KAZN: variants seen among roughly 807,000 people sequenced by gnomAD.
KAZN encodes the protein kazrin.
Under a neutral mutation model 87.4 loss-of-function variants are expected in KAZN, and 40 were observed. That is an observed-to-expected ratio of 0.46 (90% confidence interval 0.36 to 0.60). The LOEUF is 0.60. Among genes scored for constraint, KAZN ranks in the 20% least tolerant of loss-of-function variants. KAZN has a pLI of 0.00. For synonymous variants in KAZN, 466 were observed against 458.3 expected (o/e 1.02, Z -0.22); for missense variants, 898 against 1,073.9 (o/e 0.84, Z 2.29).
chr1:14,901,547 GGA>G (rs1655908240), intron 1 of KAZN, among the ~76,000 whole-genome samples: 1 of 152,158 alleles, frequency 6.6e-6, no homozygotes, highest in South Asian at 2.1e-4. Flanking sequence ...AGATGGGGGT[GGA>G]GAGGCCAGCA....
intron 1 of KAZN, among the ~76,000 whole-genome samples, chr1:13,952,550 G>A (rs916227366): frequency 2.0e-5 from 3 of 151,966 alleles, no homozygotes; most frequent in African/African-American, 4.8e-5. Context: ...ATTGACTCAG[G>A]GAGGAGTTGT....
chr1:14,066,494 A>C (rs72861252), intron 1 of KAZN, among the ~76,000 whole-genome samples: 2 of 152,150 alleles, frequency 1.3e-5, no homozygotes, highest in Non-Finnish European at 2.9e-5. Flanking sequence ...CTTTCACTCT[A>C]TGATGACGGG....
chr1:14,402,090 A>T (rs373522213), intron 2 of KAZN, among the ~76,000 whole-genome samples: 1 of 24 alleles, frequency 0.042, no homozygotes, highest in Admixed American at 0.25. Context: ...AGTCTATGTA[A>T]AAAAAAAAAA....
intron 1 of KAZN, among the ~76,000 whole-genome samples, chr1:14,646,163 A>G (rs1680793135): frequency 1.3e-5 from 2 of 152,188 alleles, no homozygotes; most frequent in Non-Finnish European, 2.9e-5. Flanking sequence ...CCCCGGCCAT[A>G]TCCTGACTGA....
chr1:14,182,034 C>T (rs1646209573), intron 2 of KAZN, among the ~76,000 whole-genome samples: 2 of 152,118 alleles, frequency 1.3e-5, no homozygotes, highest in Admixed American at 1.3e-4. Flanking sequence ...GAAATGTTTG[C>T]TCCCACCGAG....
chr1:14,667,686 A>G (rs1639648714), intron 1 of KAZN, among the ~76,000 whole-genome samples: 1 of 152,122 alleles, frequency 6.6e-6, no homozygotes, highest in Non-Finnish European at 1.5e-5. Context: ...CAGTGGGAAC[A>G]ATGATACCTC....
chr1:14,009,188 A>G (rs1316669430), intron 1 of KAZN, among the ~76,000 whole-genome samples: 2 of 152,184 alleles, frequency 1.3e-5, no homozygotes, highest in African/African-American at 4.8e-5. Flanking sequence ...TGTATAGATC[A>G]CCTTTTACTC....
At chr1:14,689,422 C>T (rs553898020) in intron 1 of KAZN, among the ~76,000 whole-genome samples, 2 of 152,140 alleles carry the variant, frequency 1.3e-5, no homozygotes, top group Non-Finnish European at 2.9e-5. Context: ...ATATGCTGGA[C>T]AAAGCTGCCG....
chr1:13,917,639 T>A (rs1034079919), intron 1 of KAZN, among the ~76,000 whole-genome samples: 12 of 151,664 alleles, frequency 7.9e-5, no homozygotes, highest in South Asian at 2.1e-4. Context: ...ATATAAAAAA[T>A]TTTTTAAAAA....
At chr1:14,679,640 C>T (rs1640450881) in intron 1 of KAZN, among the ~76,000 whole-genome samples, 1 of 152,134 alleles carries the variant, frequency 6.6e-6, no homozygotes, top group Admixed American at 6.6e-5. Flanking sequence ...CAATCAGGTG[C>T]CTTACGTGTT....
In KAZN at chr1:14,514,406, T is replaced by TTTACATATA. The variant is rs1357736202; in HGVS notation, c.250-84577_250-84576insTTACATATA. Among the ~76,000 whole-genome samples, 252 of 30,202 alleles carry TTTACATATA rather than the reference T, an allele frequency of 8.3e-3. 48 individuals are homozygous for TTTACATATA. The highest frequency in any genetic ancestry group is 0.034 in the African/African-American group (242 of 7,084). The allele number at this position is 30,202 out of a possible 152,430, so 19.8% of individuals were successfully genotyped here. A position where few individuals can be genotyped will look rare whatever the true frequency, so the allele number is the denominator to read the frequency against. On this transcript the variant is annotated intron_variant, in intron 2 of 16. Coordinates refer to the KAZN transcript ENST00000636203. Reference sequence around the variant, plus strand: ...TATATATTATATATATTTATATATATAATATATAAATATATATATAATATA... The same window carrying TTTACATATA: ...TATATATTATATATATTTATATATATTTACATATAAATATATAAATATATATATAATATA...
At chr1:14,669,910 C>T (rs1639812797) in intron 1 of KAZN, among the ~76,000 whole-genome samples, 2 of 152,260 alleles carry the variant, frequency 1.3e-5, no homozygotes, top group South Asian at 4.1e-4. Context: ...TCCTGGGTAC[C>T]GCCAATCTAT....
At chr1:14,350,268 C>T (rs1433986470) in intron 2 of KAZN, among the ~76,000 whole-genome samples, 1 of 152,116 alleles carries the variant, frequency 6.6e-6, no homozygotes, top group East Asian at 1.9e-4. Flanking sequence ...AGGCATCAAG[C>T]TGTGGCCACT....
At chr1:14,892,127 C>T (rs1654784922) in intron 1 of KAZN, among the ~76,000 whole-genome samples, 1 of 152,108 alleles carries the variant, frequency 6.6e-6, no homozygotes, top group South Asian at 2.1e-4. Flanking sequence ...GGATGGTGAC[C>T]CTGCCGTCAT....
intron 1 of KAZN, among the ~76,000 whole-genome samples, chr1:14,717,178 C>T (rs945261213): frequency 1.3e-5 from 2 of 151,512 alleles, no homozygotes; most frequent in Admixed American, 1.3e-4. Context: ...ACCTCCCACT[C>T]CCCCCTACTC....
chr1:14,386,343 T>C (rs1411797714), intron 2 of KAZN, among the ~76,000 whole-genome samples: 1 of 148,868 alleles, frequency 6.7e-6, no homozygotes, highest in African/African-American at 2.5e-5. Flanking sequence ...TGTGTGAATT[T>C]GATCCTGTCA....
intron 2 of KAZN, among the ~76,000 whole-genome samples, chr1:15,020,940 G>C (rs1181361063): frequency 6.6e-6 from 1 of 152,136 alleles, no homozygotes; most frequent in Non-Finnish European, 1.5e-5. Flanking sequence ...GCTCTCTGCA[G>C]CCTCTCTCCT....
chr1:14,419,463 C>T (rs1665169631), intron 2 of KAZN, among the ~76,000 whole-genome samples: 1 of 152,210 alleles, frequency 6.6e-6, no homozygotes, highest in African/African-American at 2.4e-5. Context: ...CAAGCCACTC[C>T]ATGAAGCACT....
intron 1 of KAZN, among the ~76,000 whole-genome samples, chr1:13,915,060 A>G (rs1267912753): frequency 6.6e-6 from 1 of 152,224 alleles, no homozygotes; most frequent in East Asian, 1.9e-4. Flanking sequence ...GTTACACAGT[A>G]ATAGAAAACA....
Sources: gnomAD v4.1 joint callset for allele counts (sites outside exome capture counted in the v4.1 genomes callset) on GRCh38, gnomAD v4.1.1 for gene constraint, MANE v1.5 for transcripts, NCBI Gene and HGNC (gene_info 2026-07-23, HGNC 2026-07-21) for gene names.